PLCXD3: variants seen among roughly 807,000 people sequenced by gnomAD.
The protein encoded by PLCXD3 is phosphatidylinositol specific phospholipase C X domain containing 3.
Under a neutral mutation model 25.5 loss-of-function variants are expected in PLCXD3, and 19 were observed. The ratio of observed to expected loss-of-function variants is 0.75; its 90% CI spans 0.52 to 1.09. The LOEUF (loss-of-function observed/expected upper bound fraction) is 1.09. Ranked by LOEUF, PLCXD3 falls within the 50% of genes least tolerant of loss-of-function variation. The pLI is 0.00. For missense variants in PLCXD3, 411 were observed against 388.1 expected, an observed-to-expected ratio of 1.06 and a Z score of -0.50; for synonymous variants, 174 against 137.6, an observed-to-expected ratio of 1.26 and a Z score of -1.85.
rs11306494 is a variant in PLCXD3, at chr5:41,446,537, CTT to C, written c.103+63885_103+63886del. Reference sequence around the variant, plus strand: ...CCATGGAATGAATAAGTGCTAGTTTCTTTTTTTTTTTTTCATTTTCATGTCTA... The same window carrying C: ...CCATGGAATGAATAAGTGCTAGTTTCTTTTTTTTTTTCATTTTCATGTCTA... On this transcript the variant is annotated intron_variant, in intron 1 of 2. Transcript: ENST00000377801. Among the ~76,000 whole-genome samples the C allele has an allele frequency of 5.4e-4, 78 of 145,602 alleles. No homozygotes were observed. The East Asian group carries it at 7.3e-3, about 14-fold the overall frequency.
At chr5:41,330,881 G>A (rs2150474261) in intron 2 of PLCXD3, among the ~76,000 whole-genome samples, 1 of 152,132 alleles carries the variant, frequency 6.6e-6, no homozygotes, top group East Asian at 1.9e-4. Flanking sequence ...AAAGACCTTT[G>A]ACAAAATTCA....
intron 1 of PLCXD3, among the ~76,000 whole-genome samples, chr5:41,446,565 T>C (rs1195286983): frequency 6.6e-6 from 1 of 151,616 alleles, no homozygotes; most frequent in Non-Finnish European, 1.5e-5. Context: ...TTCATGTCTA[T>C]ATTTCACATT....
At chr5:41,327,034 G>A (rs1289918755) in intron 2 of PLCXD3, among the ~76,000 whole-genome samples, 3 of 152,132 alleles carry the variant, frequency 2.0e-5, no homozygotes, top group Non-Finnish European at 4.4e-5. Flanking sequence ...TTTTACTTGG[G>A]AGAAACTAAG....
chr5:41,387,519 G>A (rs1745675048), intron 1 of PLCXD3, among the ~76,000 whole-genome samples: 1 of 152,102 alleles, frequency 6.6e-6, no homozygotes, highest in Non-Finnish European at 1.5e-5. Context: ...ATTATTGCAA[G>A]TATTCTGTAA....
rs1452732153 is a variant in PLCXD3 at position 41,312,940 on chromosome 5, C to A, written c.*677G>T. Reference sequence around the variant, plus strand: ...CTCTGAAATTGGCATTCACAGCTCTCCAAAAACATTTTTCTCCTATATTTA... The same window carrying A: ...CTCTGAAATTGGCATTCACAGCTCTACAAAAACATTTTTCTCCTATATTTA... On this transcript the variant is annotated 3_prime_UTR_variant, in exon 3 of 3. Transcript: ENST00000377801. 6.6e-6 allele frequency: 1 copy of A among 152,480 alleles called. No homozygotes were observed. 9.4% of individuals were successfully genotyped at this position (152,480 alleles called of 1,614,324 possible). A position where few individuals can be genotyped will look rare whatever the true frequency, so the allele number is the denominator to read the frequency against.
intron 2 of PLCXD3, among the ~76,000 whole-genome samples, chr5:41,332,861 G>A (rs991720005): frequency 3.7e-4 from 56 of 151,990 alleles, no homozygotes; most frequent in Admixed American, 1.2e-3. Context: ...ACCAAGCACC[G>A]CATATTCTCA....
chr5:41,431,449 A>G (rs976005824), intron 1 of PLCXD3, among the ~76,000 whole-genome samples: 6 of 152,226 alleles, frequency 3.9e-5, no homozygotes, highest in African/African-American at 2.4e-5. Context: ...TTACAGATTT[A>G]TTCATACAAC....
intron 1 of PLCXD3, among the ~76,000 whole-genome samples, chr5:41,382,738 G>A (rs1745509556): frequency 6.6e-6 from 1 of 151,906 alleles, no homozygotes; most frequent in Non-Finnish European, 1.5e-5. Context: ...GATCAAATTG[G>A]TTATTAAACA....
intron 2 of PLCXD3, among the ~76,000 whole-genome samples, chr5:41,363,726 C>A (rs991439715): frequency 7.2e-5 from 11 of 152,274 alleles, no homozygotes; most frequent in African/African-American, 2.4e-4. Context: ...ATGAGCCTAG[C>A]TTGTTTCAAA....
chr5:41,385,375 C>G (rs1745605622), intron 1 of PLCXD3, among the ~76,000 whole-genome samples: 1 of 152,086 alleles, frequency 6.6e-6, no homozygotes, highest in Non-Finnish European at 1.5e-5. Context: ...TTTAGTTTCT[C>G]ATCTTTAGTT....
chr5:41,381,508 G>A (rs923680258), intron 2 of PLCXD3, among the ~76,000 whole-genome samples: 37 of 152,012 alleles, frequency 2.4e-4, no homozygotes, highest in African/African-American at 8.5e-4. Context: ...ACAGAGACTG[G>A]AGTGATGCAT....
chr5:41,459,809 C>G (rs961654726), intron 1 of PLCXD3, among the ~76,000 whole-genome samples: 2 of 151,906 alleles, frequency 1.3e-5, no homozygotes, highest in African/African-American at 4.8e-5. Flanking sequence ...TGCAAACTTT[C>G]TTTTGTACCC....
At chr5:41,325,675 G>A (rs543617678) in intron 2 of PLCXD3, among the ~76,000 whole-genome samples, 3 of 152,186 alleles carry the variant, frequency 2.0e-5, no homozygotes, top group Admixed American at 1.3e-4. Flanking sequence ...ACTTGGTGTT[G>A]GACAGGTAAT....
intron 1 of PLCXD3, among the ~76,000 whole-genome samples, chr5:41,491,879 T>A (rs1455072849): frequency 6.6e-6 from 1 of 152,186 alleles, no homozygotes; most frequent in Admixed American, 6.5e-5. Context: ...GGGTCTTGAC[T>A]CTTTATCGCA....
chr5:41,359,283 T>A (rs1279853663), intron 2 of PLCXD3, among the ~76,000 whole-genome samples: 2 of 152,182 alleles, frequency 1.3e-5, no homozygotes, highest in African/African-American at 2.4e-5. Flanking sequence ...GTAGTGTCAA[T>A]AGGATTGGTA....
At chr5:41,351,759 T>C (rs529089988) in intron 2 of PLCXD3, among the ~76,000 whole-genome samples, 2 of 152,338 alleles carry the variant, frequency 1.3e-5, no homozygotes, top group East Asian at 1.9e-4. Context: ...ATATTAATGA[T>C]AGTACTATTG....
At chr5:41,392,978 C>G (rs1047815395) in intron 1 of PLCXD3, among the ~76,000 whole-genome samples, 6 of 152,038 alleles carry the variant, frequency 3.9e-5, no homozygotes, top group Non-Finnish European at 7.4e-5. Context: ...GAATAAATAA[C>G]TAGTGAGTTT....
intron 2 of PLCXD3, among the ~76,000 whole-genome samples, chr5:41,378,156 T>G (rs2150491330): frequency 6.6e-6 from 1 of 152,234 alleles, no homozygotes; most frequent in East Asian, 1.9e-4. Context: ...GTGATAAGTA[T>G]TAATAAATTG....
At chr5:41,378,651 T>A (rs1745366126) in intron 2 of PLCXD3, among the ~76,000 whole-genome samples, 1 of 152,106 alleles carries the variant, frequency 6.6e-6, no homozygotes, top group South Asian at 2.1e-4. Flanking sequence ...ATTTAAGTGC[T>A]TGGAAAACAT....
Sources: allele counts gnomAD v4.1 joint callset (sites outside exome capture counted in the v4.1 genomes callset), GRCh38; gene constraint gnomAD v4.1.1; transcripts MANE v1.5; gene names NCBI Gene and HGNC (gene_info 2026-07-23, HGNC 2026-07-21).